ETNPPL: variants seen among roughly 807,000 people sequenced by gnomAD.
The protein encoded by ETNPPL is alanine--glyoxylate aminotransferase 2-like 1.
A neutral mutation model predicts 55.5 loss-of-function variants in ETNPPL; 30 were observed. That is an observed-to-expected ratio of 0.54 (90% confidence interval 0.40 to 0.73). The LOEUF (loss-of-function observed/expected upper bound fraction) is 0.73. ETNPPL is among the 30% of genes least tolerant of loss of function. ETNPPL has a pLI of 0.00. For synonymous variants in ETNPPL, 202 were observed against 207.2 expected (o/e 0.98, Z 0.21); for missense variants, 528 against 607.9 (o/e 0.87, Z 1.38).
intron 11 of ETNPPL, 34 bp from the exon 12 acceptor site, chr4:108,743,890 A>G (rs540895569): frequency 6.9e-7 from 1 of 1,447,056 alleles, no homozygotes; most frequent in South Asian, 1.2e-5. Flanking sequence ...AGAAGACAAA[A>G]TAACATAAAA....
At chr4:108,749,058 A>T (rs979060063) in intron 8 of ETNPPL, among the ~76,000 whole-genome samples, 180 bp downstream of exon 8, 3 of 152,138 alleles carry the variant, frequency 2.0e-5, no homozygotes, top group African/African-American at 7.2e-5. Flanking sequence ...AACTTAAAGT[A>T]TAATTTTATA....
rs750998495 is a variant in ETNPPL at position 108,749,346 on chromosome 4, G to T, written c.819C>A (p.Ile273=). 1.2e-6 allele frequency: 2 copies of T among 1,613,934 alleles called. No homozygotes were observed. The highest frequency in any genetic ancestry group is 2.2e-5 in the East Asian group (1 of 44,874). Residue 273 remains isoleucine (I), a synonymous_variant, in exon 8 of 13, where the codon ATC becomes ATA. Coordinates refer to ENST00000296486, the MANE Select transcript of ETNPPL (RefSeq NM_031279.4). Reference sequence around the variant, plus strand: ...TGCCCATCGGTTTTCCCATTGTGACGATGTCTGGAACAAAGTCTTCACCAT... The same window carrying T: ...TGCCCATCGGTTTTCCCATTGTGACTATGTCTGGAACAAAGTCTTCACCAT... ...QMYGEDFVPD[I]VTMGKPMGNG...
At chr4:108,743,983 C>A in intron 11 of ETNPPL, 127 bp from the exon 12 acceptor site, 1 of 662,562 alleles carries the variant, frequency 1.5e-6, no homozygotes, top group East Asian at 2.7e-5. Context: ...AAAGAATGGG[C>A]TGGGCGCTGT....
At chr4:108,746,334 C>T (rs1459537029) in intron 11 of ETNPPL, 65 bp downstream of exon 11, 1 of 1,498,804 alleles carries the variant, frequency 6.7e-7, no homozygotes, top group Non-Finnish European at 9.0e-7. Context: ...TATGACTAGA[C>T]CAGGGTTTGA....
intron 4 of ETNPPL, 105 bp from the exon 5 acceptor site, chr4:108,754,815 G>A: frequency 1.4e-6 from 1 of 727,922 alleles, no homozygotes; most frequent in East Asian, 2.6e-5. Context: ...CATCCATCCA[G>A]GGAGAATCTC....
chr4:108,744,864 C>T (rs1010739597), intron 11 of ETNPPL, among the ~76,000 whole-genome samples: 1 of 151,858 alleles, frequency 6.6e-6, no homozygotes, highest in South Asian at 2.1e-4. Context: ...ACTACAGGCG[C>T]ACGCACCACC....
At chr4:108,748,641 G>C (rs1467081268) in intron 8 of ETNPPL, among the ~76,000 whole-genome samples, 1 of 151,692 alleles carries the variant, frequency 6.6e-6, no homozygotes, top group Non-Finnish European at 1.5e-5. Context: ...AAGCTTATGG[G>C]GATAAGTCAA....
intron 1 of ETNPPL, among the ~76,000 whole-genome samples, chr4:108,761,158 T>C (rs1348853826): frequency 6.6e-6 from 1 of 152,198 alleles, no homozygotes; most frequent in Non-Finnish European, 1.5e-5. Flanking sequence ...CATAGAAATT[T>C]CACAAAGGCT....
At chr4:108,759,963 G>A in intron 2 of ETNPPL, 55 bp from the exon 3 acceptor site, 1 of 1,512,832 alleles carries the variant, frequency 6.6e-7, no homozygotes, top group Non-Finnish European at 9.1e-7. Context: ...AAGTGCCTGG[G>A]AATAAGAGGA....
At chr4:108,762,009 T>C (rs1729530397) in intron 1 of ETNPPL, among the ~76,000 whole-genome samples, 1 of 152,226 alleles carries the variant, frequency 6.6e-6, no homozygotes, top group South Asian at 2.1e-4. Context: ...TCATCATTTA[T>C]ATTTACACGT....
chr4:108,749,227 C>T lies in ETNPPL; in HGVS notation c.927+11G>A, dbSNP rs1560652482. 1 of 1,597,228 alleles carries T rather than the reference C, an allele frequency of 6.3e-7. No homozygotes were observed. The highest frequency in any genetic ancestry group is 8.6e-7 in the Non-Finnish European group (1 of 1,166,702). On this transcript the variant is annotated intron_variant, in intron 8 of 12. Coordinates refer to ENST00000296486, the MANE Select transcript of ETNPPL (RefSeq NM_031279.4). ...TCCTTCTTAGCATTAAAGTTGGAGA[C>T]CAAAATGTACCGTATTAAAATATTC...
chr4:108,745,930 C>CAAA (rs5860940), intron 11 of ETNPPL, among the ~76,000 whole-genome samples: 717 of 70,502 alleles, frequency 0.01, 24 homozygotes, highest in African/African-American at 0.021. Flanking sequence ...GACTCCATCT[C>CAAA]AAAAAAAAAA....
intron 5 of ETNPPL, among the ~76,000 whole-genome samples, chr4:108,753,790 A>AAGAAAG (rs1553934246): frequency 2.7e-5 from 3 of 110,642 alleles, no homozygotes; most frequent in Non-Finnish European, 5.3e-5. Context: ...GAAAGAAAGA[A>AAGAAAG]AGAAAGAAAG....
rs1560656754 is a variant in ETNPPL at position 108,753,811 on chromosome 4, G to GAAAGGAA, written c.502-801_502-800insTTCCTTT. Among the ~76,000 whole-genome samples, 29 of 128,930 alleles carry GAAAGGAA rather than the reference G, an allele frequency of 2.2e-4. No individual in the cohort carries two copies. In the East Asian group the frequency reaches 2.6e-3, roughly 12 times the overall value. 84.6% of individuals were successfully genotyped at this position (128,930 alleles called of 152,430 possible). A position where few individuals can be genotyped will look rare whatever the true frequency, so the allele number is the denominator to read the frequency against. On this transcript the variant is annotated intron_variant, in intron 5 of 12. Transcript: ENST00000296486. ...AAGAAAGAAAGAAAGAAAGAAAAGA[G>GAAAGGAA]AAGAAAAGAAAAGAAAAAAAGAAAT...
At chr4:108,745,788 C>T (rs575810486) in intron 11 of ETNPPL, among the ~76,000 whole-genome samples, 7 of 150,672 alleles carry the variant, frequency 4.6e-5, no homozygotes, top group Admixed American at 1.3e-4. Context: ...GAAATTAGCC[C>T]GGCATGGTGG....
At position 108,755,821 on chromosome 4, in the gene ETNPPL, A is replaced by AAAACAAACAAACAAAC. The variant is rs113876945; in HGVS notation, c.410+581_410+596dup. On this transcript the variant is annotated intron_variant, in intron 4 of 12. Transcript: ENST00000296486. ...GGATGACAGAGCGAGACTCCGTCTC[A>AAAACAAACAAACAAAC]AAACAAACAAACAAACAAACAAACT... is the stretch of plus-strand genomic sequence containing the variant. 7.7e-4 allele frequency among the ~76,000 whole-genome samples: 117 copies of AAAACAAACAAACAAAC among 152,138 alleles called. 1 individual carries two copies. Among genetic ancestry groups the AAAACAAACAAACAAAC allele is most frequent in the African/African-American group, 2.5e-3 (104 of 41,428 alleles).
At chr4:108,749,543 G>T in intron 7 of ETNPPL, 80 bp from the exon 8 acceptor site, 1 of 1,035,316 alleles carries the variant, frequency 9.7e-7, no homozygotes, top group Non-Finnish European at 1.4e-6. Context: ...AATTATTGAA[G>T]ACAAAAAAAA....
chr4:108,743,908 G>T, intron 11 of ETNPPL, 52 bp from the exon 12 acceptor site: 1 of 1,284,360 alleles, frequency 7.8e-7, no homozygotes, highest in Non-Finnish European at 1.1e-6. Flanking sequence ...AAAACCTTAA[G>T]AAAAAAACTT....
chr4:108,760,091 G>A, intron 2 of ETNPPL, 97 bp downstream of exon 2: 1 of 1,064,168 alleles, frequency 9.4e-7, no homozygotes. Context: ...CAAAGGAACT[G>A]CAGCCACTGC....
Sources: allele counts gnomAD v4.1 joint callset (sites outside exome capture counted in the v4.1 genomes callset), GRCh38; gene constraint gnomAD v4.1.1; transcripts MANE v1.5; gene names NCBI Gene and HGNC (gene_info 2026-07-23, HGNC 2026-07-21).